Variants in STPG2 observed in about 807,000 individuals in gnomAD.
STPG2 encodes sperm tail PG-rich repeat containing 2, also known as sperm-tail PG-rich repeat-containing protein 2.
A neutral mutation model predicts 54.2 loss-of-function variants in STPG2; 56 were observed. The observed-to-expected ratio is 1.03, with a 90% confidence interval of 0.83 to 1.29. The LOEUF (loss-of-function observed/expected upper bound fraction) is 1.29. Among genes scored for constraint, STPG2 ranks in the 50% most tolerant of loss-of-function variants. The pLI, the probability that STPG2 is intolerant of heterozygous loss-of-function variation, is 0.00. For synonymous variants in STPG2, 200 were observed against 181.8 expected (o/e 1.10, Z -0.81); for missense variants, 596 against 544.9 (o/e 1.09, Z -0.93).
intron 9 of STPG2, among the ~76,000 whole-genome samples, chr4:97,713,635 A>T (rs950561151): frequency 2.6e-5 from 4 of 152,208 alleles, no homozygotes; most frequent in African/African-American, 9.6e-5. Context: ...TCGAGCTCCT[A>T]TGAGAATCTA....
chr4:97,808,767 A>G (rs1727649704), intron 9 of STPG2, among the ~76,000 whole-genome samples: 1 of 151,620 alleles, frequency 6.6e-6, no homozygotes. Context: ...GGAAGAAAAA[A>G]ATGTCAAAAA....
At chr4:97,882,845 A>G (rs1730427860) in intron 8 of STPG2, among the ~76,000 whole-genome samples, 1 of 152,186 alleles carries the variant, frequency 6.6e-6, no homozygotes, top group Non-Finnish European at 1.5e-5. Flanking sequence ...AAGGTAAGGC[A>G]AAGGTATGCA....
chr4:97,767,384 C>T (rs1296173567), intron 9 of STPG2, among the ~76,000 whole-genome samples: 1 of 152,038 alleles, frequency 6.6e-6, no homozygotes, highest in African/African-American at 2.4e-5. Flanking sequence ...TTATCCTCAA[C>T]AAAATGGATT....
At chr4:97,919,801 C>T (rs1027826015) in intron 8 of STPG2, among the ~76,000 whole-genome samples, 1 of 152,042 alleles carries the variant, frequency 6.6e-6, no homozygotes, top group Non-Finnish European at 1.5e-5. Context: ...GGGGGATACT[C>T]TTTTTTAAGA....
At chr4:98,096,541 C>T (rs1738864753) in intron 5 of STPG2, among the ~76,000 whole-genome samples, 1 of 151,832 alleles carries the variant, frequency 6.6e-6, no homozygotes, top group Non-Finnish European at 1.5e-5. Flanking sequence ...GATAAAGAAC[C>T]TAATGATGCA....
chr4:97,541,971 C>T (rs1017367238), intron 4 of STPG2, among the ~76,000 whole-genome samples: 6 of 152,108 alleles, frequency 3.9e-5, no homozygotes, highest in Non-Finnish European at 5.9e-5. Flanking sequence ...AAAATTAATT[C>T]AAGATGGATT....
chr4:97,871,628 C>T (rs1023944518), intron 8 of STPG2, among the ~76,000 whole-genome samples: 2 of 150,906 alleles, frequency 1.3e-5, no homozygotes, highest in African/African-American at 4.8e-5. Context: ...TAAAAAATGT[C>T]AAATTTTGTA....
chr4:97,743,208 T>C (rs1333446672), intron 9 of STPG2, among the ~76,000 whole-genome samples: 1 of 151,738 alleles, frequency 6.6e-6, no homozygotes, highest in Non-Finnish European at 1.5e-5. Context: ...GGTTGTACTG[T>C]GAACAAGTCA....
At chr4:97,978,608 G>A (rs1343664195) in intron 6 of STPG2, among the ~76,000 whole-genome samples, 3 of 152,018 alleles carry the variant, frequency 2.0e-5, no homozygotes, top group Non-Finnish European at 4.4e-5. Context: ...AAACCCCCAC[G>A]ACACAAATTT....
chr4:97,642,197 A>C (rs2148946287), intron 10 of STPG2, among the ~76,000 whole-genome samples: 1 of 151,542 alleles, frequency 6.6e-6, no homozygotes, highest in African/African-American at 2.4e-5. Flanking sequence ...ATATAAAAAT[A>C]AAAATAAAAT....
At chr4:97,721,946 C>T (rs1724462176) in intron 9 of STPG2, among the ~76,000 whole-genome samples, 1 of 151,910 alleles carries the variant, frequency 6.6e-6, no homozygotes, top group Admixed American at 6.6e-5. Flanking sequence ...GAGGTCACAA[C>T]CTTTGACATG....
intron 4 of STPG2, among the ~76,000 whole-genome samples, chr4:97,540,266 G>T (rs970090078): frequency 6.6e-6 from 1 of 152,030 alleles, no homozygotes; most frequent in Non-Finnish European, 1.5e-5. Context: ...GAATCAAATA[G>T]ATGCAATAAA....
At chr4:97,818,449 G>GTCTC (rs369459363) in intron 9 of STPG2, among the ~76,000 whole-genome samples, 1 of 150,384 alleles carries the variant, frequency 6.6e-6, no homozygotes, top group Non-Finnish European at 1.5e-5. Context: ...TGTGAATATG[G>GTCTC]TCTCTCTCTC....
intron 7 of STPG2, among the ~76,000 whole-genome samples, chr4:97,970,828 A>C (rs1453227588): frequency 6.6e-6 from 1 of 152,240 alleles, no homozygotes; most frequent in Non-Finnish European, 1.5e-5. Context: ...ATTAAACTAA[A>C]GAGCTTCTGC....
At chr4:97,906,241 T>C (rs1166049289) in intron 8 of STPG2, among the ~76,000 whole-genome samples, 1 of 152,162 alleles carries the variant, frequency 6.6e-6, no homozygotes, top group African/African-American at 2.4e-5. Flanking sequence ...CAAACACCTC[T>C]ACGCAAATAA....
chr4:97,711,489 GAAGT>G (rs1482465616), intron 10 of STPG2, among the ~76,000 whole-genome samples: 1 of 151,930 alleles, frequency 6.6e-6, no homozygotes, highest in East Asian at 1.9e-4. Context: ...CTCCCTTTCT[GAAGT>G]AAGTCTAATA....
chr4:97,965,632 C>T (rs934224972), intron 7 of STPG2, among the ~76,000 whole-genome samples: 22 of 152,254 alleles, frequency 1.4e-4, no homozygotes, highest in East Asian at 3.9e-4. Context: ...CCCTCTGGGA[C>T]GAAGCTTCCA....
intron 9 of STPG2, among the ~76,000 whole-genome samples, chr4:97,735,394 C>A (rs1019625682): frequency 2.6e-5 from 4 of 151,184 alleles, no homozygotes; most frequent in Admixed American, 6.6e-5. Context: ...ACTTTAGAGA[C>A]TCAGAAGGGA....
At chr4:97,986,237 A>G (rs1251653493) in intron 5 of STPG2, among the ~76,000 whole-genome samples, 1 of 152,234 alleles carries the variant, frequency 6.6e-6, no homozygotes, top group African/African-American at 2.4e-5. Flanking sequence ...ATTCTTCCCA[A>G]GTTAAATAAG....
Sources: allele counts gnomAD v4.1 joint callset (sites outside exome capture counted in the v4.1 genomes callset), GRCh38; gene constraint gnomAD v4.1.1; transcripts MANE v1.5; gene names NCBI Gene and HGNC (gene_info 2026-07-23, HGNC 2026-07-21).